Variants in ITGBL1 observed in about 807,000 individuals in gnomAD.
The protein encoded by ITGBL1 is integrin subunit beta like 1.
In ITGBL1, 51 loss-of-function variants were observed where a neutral mutation model predicts 68.5. The ratio of observed to expected loss-of-function variants is 0.74; its 90% confidence interval spans 0.59 to 0.94. The LOEUF (loss-of-function observed/expected upper bound fraction) is 0.94, where lower values mean the gene tolerates loss of function less well. Among genes scored for constraint, ITGBL1 ranks in the 40% least tolerant of loss-of-function variants. The probability of loss-of-function intolerance (pLI) is 0.00; values close to 1 mark genes in which losing one functional copy is unlikely to be tolerated. For synonymous variants in ITGBL1, 209 were observed against 227.3 expected (o/e 0.92, Z 0.72); for missense variants, 649 against 647.4 (o/e 1.00, Z -0.03).
intron 7 of ITGBL1, among the ~76,000 whole-genome samples, chr13:101,605,963 CATAT>C (rs1192366370): frequency 6.9e-6 from 1 of 144,700 alleles, no homozygotes; most frequent in African/African-American, 2.5e-5. Context: ...CACATATACA[CATAT>C]ATATGCATAT....
At chr13:101,664,319 A>G (rs1207256225) in intron 7 of ITGBL1, among the ~76,000 whole-genome samples, 1 of 152,192 alleles carries the variant, frequency 6.6e-6, no homozygotes, top group Non-Finnish European at 1.5e-5. Context: ...TTACATTGAC[A>G]TAATATATAT....
rs563688393 is a variant in ITGBL1 at position 101,520,205 on chromosome 13, A to T, written c.317-47494A>T. On this transcript the variant is annotated intron_variant, in intron 2 of 10. Transcript: ENST00000376180. ...AAAAAATAATATGAAAGACTCTAAG[A>T]TTCAATGAAAAACATAAATTTTGTG... is the stretch of plus-strand genomic sequence containing the variant. 6.8e-4 allele frequency among the ~76,000 whole-genome samples: 104 copies of T among 152,330 alleles called. 1 individual carries two copies. Among genetic ancestry groups the T allele is most frequent in the African/African-American group, 2.3e-3 (96 of 41,578 alleles).
At chr13:101,625,439 A>AT (rs922536522) in intron 7 of ITGBL1, among the ~76,000 whole-genome samples, 5 of 152,138 alleles carry the variant, frequency 3.3e-5, no homozygotes, top group African/African-American at 1.2e-4. Flanking sequence ...AAGGGATGAT[A>AT]TTGCTTCTTC....
At chr13:101,583,465 T>C (rs2050499249) in intron 6 of ITGBL1, 109 bp downstream of exon 6, 1 of 810,130 alleles carries the variant, frequency 1.2e-6, no homozygotes, top group African/African-American at 1.8e-5. Flanking sequence ...TACTGTTGGA[T>C]AGCACAATAG....
At chr13:101,683,916 G>A (rs1480649152) in intron 7 of ITGBL1, among the ~76,000 whole-genome samples, 4 of 151,824 alleles carry the variant, frequency 2.6e-5, no homozygotes, top group Admixed American at 6.6e-5. Flanking sequence ...TGGATTGTAT[G>A]TATTTGTTGT....
intron 7 of ITGBL1, among the ~76,000 whole-genome samples, chr13:101,599,651 A>T (rs899697838): frequency 6.6e-6 from 1 of 152,056 alleles, no homozygotes; most frequent in Non-Finnish European, 1.5e-5. Flanking sequence ...AGCTTTCTAC[A>T]TATGGCTAGC....
chr13:101,641,898 T>A (rs990953204), intron 7 of ITGBL1, among the ~76,000 whole-genome samples: 3 of 151,868 alleles, frequency 2.0e-5, no homozygotes, highest in Non-Finnish European at 4.4e-5. Flanking sequence ...GAACTCATCC[T>A]TTTTTATGGC....
At chr13:101,687,560 G>A (rs376513280) in intron 7 of ITGBL1, among the ~76,000 whole-genome samples, 16 of 151,888 alleles carry the variant, frequency 1.1e-4, no homozygotes, top group East Asian at 3.9e-4. Flanking sequence ...TATTTTGATC[G>A]GAACTTCTAA....
At chr13:101,640,907 T>C (rs1237898964) in intron 7 of ITGBL1, among the ~76,000 whole-genome samples, 7 of 152,200 alleles carry the variant, frequency 4.6e-5, no homozygotes, top group Non-Finnish European at 1.0e-4. Context: ...TACTCCAGTG[T>C]CCTAATAAAT....
chr13:101,604,887 T>TGTATATATATATATAC lies in ITGBL1; in HGVS notation c.1015+6588_1015+6589insGTATATATATATATAC, dbSNP rs1555361661. ...ATATATATATATATATATATATATA[T>TGTATATATATATATAC]ACACACACACACACATATATATGTG... On this transcript the variant is annotated intron_variant, in intron 7 of 10. Transcript: ENST00000376180. Among the ~76,000 whole-genome samples the TGTATATATATATATAC allele has an allele frequency of 3.6e-4, 8 of 22,162 alleles. 1 individual carries two copies. Among genetic ancestry groups the TGTATATATATATATAC allele is most frequent in the South Asian group, 2.6e-3 (1 of 392 alleles). The allele number at this position is 22,162 out of a possible 152,430, so 14.5% of individuals were successfully genotyped here.
intron 4 of ITGBL1, among the ~76,000 whole-genome samples, chr13:101,578,547 C>G (rs752051400): frequency 1.3e-5 from 2 of 152,146 alleles, no homozygotes; most frequent in Non-Finnish European, 2.9e-5. Context: ...TGCGATAATT[C>G]ACTACAGATG....
At chr13:101,462,889 A>G (rs924291098) in intron 2 of ITGBL1, among the ~76,000 whole-genome samples, 20 of 152,144 alleles carry the variant, frequency 1.3e-4, no homozygotes, top group Non-Finnish European at 1.5e-5. Context: ...GGCCTTTTCC[A>G]TATCATTTCT....
At chr13:101,705,272 C>G (rs1019647255) in intron 8 of ITGBL1, among the ~76,000 whole-genome samples, 3 of 122,328 alleles carry the variant, frequency 2.5e-5, no homozygotes, top group African/African-American at 9.5e-5. Context: ...GGGAAAATCT[C>G]TCTTATTTAA....
At chr13:101,600,878 G>A (rs188880569) in intron 7 of ITGBL1, among the ~76,000 whole-genome samples, 59 of 152,256 alleles carry the variant, frequency 3.9e-4, no homozygotes. Flanking sequence ...ATGTTCATCA[G>A]GGATATTGGT....
rs114742214 is a variant in ITGBL1 at position 101,555,403 on chromosome 13, G to A, written c.317-12296G>A. 3.6e-3 allele frequency among the ~76,000 whole-genome samples: 545 copies of A among 150,922 alleles called. 5 individuals carry two copies. Among genetic ancestry groups the A allele is most frequent in the African/African-American group, 0.012 (511 of 41,190 alleles). On this transcript the variant is annotated intron_variant, in intron 2 of 10. Transcript: ENST00000376180. ...TCTTGTATCCCAAATATTTTTTTTT[G>A]TACTCCCTCAACGAGGGCCCTATAT...
chr13:101,658,667 G>A (rs1054349778), intron 7 of ITGBL1, among the ~76,000 whole-genome samples: 1 of 152,088 alleles, frequency 6.6e-6, no homozygotes, highest in Admixed American at 6.5e-5. Context: ...AAAATATGTA[G>A]TGGATGGGAA....
At chr13:101,698,629 G>A (rs560100654) in intron 8 of ITGBL1, among the ~76,000 whole-genome samples, 1 of 152,270 alleles carries the variant, frequency 6.6e-6, no homozygotes, top group South Asian at 2.1e-4. Context: ...AAGATGTTAT[G>A]CAACCTATGC....
intron 2 of ITGBL1, among the ~76,000 whole-genome samples, chr13:101,463,005 C>G (rs887803172): frequency 6.6e-6 from 1 of 152,160 alleles, no homozygotes; most frequent in African/African-American, 2.4e-5. Context: ...TGTGGAGCTA[C>G]AGGGAGGTTA....
intron 7 of ITGBL1, among the ~76,000 whole-genome samples, chr13:101,605,543 TAC>T (rs1341297873): frequency 6.6e-6 from 1 of 151,680 alleles, no homozygotes; most frequent in Non-Finnish European, 1.5e-5. Context: ...TGCGTATATA[TAC>T]ACGTATTTAG....
Sources: gnomAD v4.1 joint callset for allele counts (sites outside exome capture counted in the v4.1 genomes callset) on GRCh38, gnomAD v4.1.1 for gene constraint, MANE v1.5 for transcripts, NCBI Gene and HGNC (gene_info 2026-07-23, HGNC 2026-07-21) for gene names.